PARVB: variants seen among roughly 807,000 people sequenced by gnomAD.
PARVB encodes parvin beta.
Under a neutral mutation model 47.0 loss-of-function variants are expected in PARVB, and 46 were observed. The ratio of observed to expected loss-of-function variants is 0.98; its 90% CI spans 0.77 to 1.25. The LOEUF is 1.25. Among genes scored for constraint, PARVB ranks in the 50% most tolerant of loss-of-function variants. The probability of loss-of-function intolerance (pLI) is 0.00; values close to 1 mark genes in which losing one functional copy is unlikely to be tolerated. For missense variants in PARVB, 473 were observed against 471.6 expected, an observed-to-expected ratio of 1.00 and a Z score of -0.03; for synonymous variants, 196 against 196.3, an observed-to-expected ratio of 1.00 and a Z score of 0.01.
At chr22:44,156,421 A>G (rs1235518498) in intron 10 of PARVB, among the ~76,000 whole-genome samples, 2 of 151,642 alleles carry the variant, frequency 1.3e-5, no homozygotes, top group African/African-American at 4.8e-5. Context: ...CTGGGATTAC[A>G]GGCATGCACC....
chr22:44,075,408 C>T (rs530030676), intron 1 of PARVB, among the ~76,000 whole-genome samples: 1 of 152,342 alleles, frequency 6.6e-6, no homozygotes, highest in East Asian at 1.9e-4. Flanking sequence ...TATCAACATC[C>T]TCCCCCTCTA....
intron 1 of PARVB, among the ~76,000 whole-genome samples, chr22:44,043,419 C>T (rs898607899): frequency 3.9e-5 from 6 of 152,114 alleles, no homozygotes; most frequent in African/African-American, 1.4e-4. Flanking sequence ...TGCTCTGTCG[C>T]CCATGCTGGA....
rs371855566 is a variant in PARVB, at chr22:44,122,279, C to T, written c.376+3139C>T. Among the ~76,000 whole-genome samples, 42 of 152,168 alleles carry T rather than the reference C, an allele frequency of 2.8e-4. No individual in the cohort carries two copies. In the South Asian group the frequency reaches 3.9e-3, roughly 14 times the overall value. On this transcript the variant is annotated intron_variant, in intron 4 of 12. Coordinates refer to ENST00000338758, the MANE Select transcript of PARVB (RefSeq NM_013327.5). ...GCTGAGCCAGGAGGATCACTTGAGCCGAAGAGTTTGAGACCAGCCTGGGCA... is the reference window on the plus strand; with the variant it reads ...GCTGAGCCAGGAGGATCACTTGAGCTGAAGAGTTTGAGACCAGCCTGGGCA...
chr22:44,069,576 T>A (rs895178992), intron 1 of PARVB, among the ~76,000 whole-genome samples: 1 of 152,136 alleles, frequency 6.6e-6, no homozygotes. Context: ...TCACCCAGGC[T>A]GGAGTGCAAT....
At chr22:44,061,394 G>A (rs1320012381) in intron 1 of PARVB, among the ~76,000 whole-genome samples, 1 of 149,540 alleles carries the variant, frequency 6.7e-6, no homozygotes. Flanking sequence ...TCACGTCACT[G>A]TACTCCAGCC....
At position 44,094,015 on chromosome 22, in the gene PARVB, T is replaced by C. The variant is rs775732577; in HGVS notation, c.200T>C (p.Leu67Pro). The C allele has an allele frequency of 1.3e-6, 2 of 1,597,456 alleles. No individual in the cohort carries two copies. Among genetic ancestry groups the C allele is most frequent in the Non-Finnish European group, 1.7e-6 (2 of 1,165,324 alleles). ...LVDVHPEDTQ[L>P]EENEERTMID... ...GATGTTCACCCTGAAGACACCCAGC[T>C]TGGTACGGGGGTTCCTCCGCTCCCT... The change falls in exon 2 of 13, where the codon CTT becomes CCT. Residue 67 changes from leucine to proline, a missense_variant and splice_region_variant. Physicochemically the swap from Leu to Pro is moderately conservative, Grantham distance 98 (BLOSUM62 -3). Transcript: ENST00000338758.
intron 1 of PARVB, among the ~76,000 whole-genome samples, chr22:44,030,500 C>G (rs1173845233): frequency 6.6e-6 from 1 of 152,148 alleles, no homozygotes; most frequent in African/African-American, 2.4e-5. Context: ...CCCACAAACA[C>G]AGGAGCTTGG....
chr22:44,129,838 G>A (rs12160122), intron 4 of PARVB, among the ~76,000 whole-genome samples: 8,888 of 152,222 alleles, frequency 0.058, 871 homozygotes, highest in African/African-American at 0.2. Context: ...CTCCCCACTA[G>A]GGACCTCTGT....
At chr22:44,066,804 C>CCTCCTCCTCCTCCTCCTCCTCCTCCTT (rs1555898497) in intron 1 of PARVB, among the ~76,000 whole-genome samples, 53 of 131,078 alleles carry the variant, frequency 4.0e-4, no homozygotes, top group Middle Eastern at 4.0e-3. Flanking sequence ...TCCTCCTCCT[C>CCTCCTCCTCCTCCTCCTCCTCCTCCTT]CTCCTCCTCC....
At chr22:44,158,808 T>C (rs910397024) in intron 11 of PARVB, among the ~76,000 whole-genome samples, 2 of 152,264 alleles carry the variant, frequency 1.3e-5, no homozygotes, top group Non-Finnish European at 2.9e-5. Flanking sequence ...GGATGGTCTA[T>C]GTTGCTTTGG....
At chr22:44,095,290 C>T (rs2052275729) in intron 2 of PARVB, among the ~76,000 whole-genome samples, 1 of 152,108 alleles carries the variant, frequency 6.6e-6, no homozygotes, top group Non-Finnish European at 1.5e-5. Flanking sequence ...GGACGGATCA[C>T]TTGAGTTCAG....
In PARVB at chr22:44,147,989, C is replaced by T. The variant is rs567297440; in HGVS notation, c.774+67C>T. 3 of 1,204,214 alleles carry T rather than the reference C, an allele frequency of 2.5e-6. No individual in the cohort carries two copies. In the East Asian group the frequency reaches 7.1e-5, roughly 28 times the overall value. The allele number at this position is 1,204,214 out of a possible 1,614,324, so 74.6% of individuals were successfully genotyped here. ...CGCGGCTTTTTGACAGCACAAACGC[C>T]CCGCTGGGAAGAAGGTGGGAAAATG... On this transcript the variant is annotated intron_variant, in intron 9 of 12. Transcript: ENST00000338758.
chr22:44,017,104 A>G (rs1026278918), intron 2 of PARVB, among the ~76,000 whole-genome samples: 2 of 151,960 alleles, frequency 1.3e-5, no homozygotes, highest in East Asian at 3.9e-4. Context: ...CGAACTCCTG[A>G]CCTCTGGTGA....
At chr22:44,112,142 CA>C (rs992715290) in intron 3 of PARVB, 1 of 152,118 alleles carries the variant, frequency 6.6e-6, no homozygotes, top group African/African-American at 2.4e-5. Context: ...GCTTTGAAAA[CA>C]AAAAAACAAA....
At chr22:44,092,444 G>A (rs2052193099) in intron 1 of PARVB, among the ~76,000 whole-genome samples, 1 of 152,178 alleles carries the variant, frequency 6.6e-6, no homozygotes, top group African/African-American at 2.4e-5. Flanking sequence ...TTTGAGTCCT[G>A]CAGCTATGAA....
chr22:44,085,948 T>C (rs118002191), intron 1 of PARVB, among the ~76,000 whole-genome samples: 1 of 152,242 alleles, frequency 6.6e-6, no homozygotes, highest in African/African-American at 2.4e-5. Context: ...TGGATTTACC[T>C]TATTGAAATG....
intron 2 of PARVB, among the ~76,000 whole-genome samples, chr22:44,008,881 C>T (rs561674944): frequency 1.8e-4 from 28 of 152,086 alleles, no homozygotes; most frequent in African/African-American, 6.8e-4. Context: ...CCCAGCTACT[C>T]GGGAGGCTGA....
intron 3 of PARVB, chr22:44,112,875 A>G (rs1245415425): frequency 9.4e-6 from 1 of 106,300 alleles, no homozygotes; most frequent in Admixed American, 9.0e-5. Context: ...CAACACAGAT[A>G]CGTTGTTACT....
intron 1 of PARVB, among the ~76,000 whole-genome samples, chr22:44,035,943 A>G (rs2050915623): frequency 6.6e-6 from 1 of 152,242 alleles, no homozygotes; most frequent in African/African-American, 2.4e-5. Context: ...ACTGCAGTTA[A>G]TTTTATGCAG....
Sources: allele counts gnomAD v4.1 joint callset (sites outside exome capture counted in the v4.1 genomes callset), GRCh38; gene constraint gnomAD v4.1.1; transcripts MANE v1.5; gene names NCBI Gene and HGNC (gene_info 2026-07-23, HGNC 2026-07-21).